Variants in PIP5K1B observed in about 807,000 individuals in gnomAD.
The protein encoded by PIP5K1B is phosphatidylinositol 4-phosphate 5-kinase type-1 beta.
Under a neutral mutation model 67.0 loss-of-function variants are expected in PIP5K1B, and 42 were observed. That is an observed-to-expected ratio of 0.63 (90% CI 0.49 to 0.81). The LOEUF (loss-of-function observed/expected upper bound fraction) is 0.81, where lower values mean the gene tolerates loss of function less well. PIP5K1B is among the 30% of genes least tolerant of loss of function. The pLI is 0.00. For missense variants in PIP5K1B, 459 were observed against 646.3 expected (o/e 0.71, Z 3.14); for synonymous variants, 214 against 231.4 (o/e 0.92, Z 0.68).
chr9:68,853,552 CAG>C (rs1449418515), intron 4 of PIP5K1B, among the ~76,000 whole-genome samples: 2 of 152,120 alleles, frequency 1.3e-5, no homozygotes, highest in African/African-American at 4.8e-5. Context: ...TCTGAAAAAT[CAG>C]AAAGTTTTCA....
chr9:68,792,018 A>G (rs1831998772), intron 2 of PIP5K1B, among the ~76,000 whole-genome samples: 1 of 149,456 alleles, frequency 6.7e-6, no homozygotes, highest in African/African-American at 2.4e-5. Flanking sequence ...GTTTTTCCTT[A>G]ACTAACTCCT....
intron 14 of PIP5K1B, among the ~76,000 whole-genome samples, chr9:68,946,222 A>G (rs1282324644): frequency 6.6e-6 from 1 of 152,056 alleles, no homozygotes; most frequent in Non-Finnish European, 1.5e-5. Flanking sequence ...CATTCCCCTA[A>G]CCCTAATCTC....
intron 11 of PIP5K1B, among the ~76,000 whole-genome samples, 170 bp downstream of exon 11, chr9:68,919,899 A>G (rs1251910077): frequency 6.6e-6 from 1 of 152,240 alleles, no homozygotes; most frequent in Non-Finnish European, 1.5e-5. Context: ...AATAAGGACA[A>G]CATAAATTTG....
At chr9:68,725,477 T>C (rs1055570910) in intron 1 of PIP5K1B, among the ~76,000 whole-genome samples, 1 of 152,194 alleles carries the variant, frequency 6.6e-6, no homozygotes, top group Non-Finnish European at 1.5e-5. Context: ...GAATTTATTT[T>C]GTAAGAATTG....
At chr9:68,846,921 A>G (rs7024959) in intron 4 of PIP5K1B, among the ~76,000 whole-genome samples, 11,908 of 152,248 alleles carry the variant, frequency 0.078, 1,032 homozygotes, top group African/African-American at 0.21. Flanking sequence ...ACCATTTATT[A>G]TAGTCCTCAT....
chr9:68,889,392 G>A (rs746754941), intron 7 of PIP5K1B, among the ~76,000 whole-genome samples: 2 of 152,118 alleles, frequency 1.3e-5, no homozygotes, highest in Admixed American at 1.3e-4. Context: ...GTGTGACCCT[G>A]AGTAAGCAGC....
intron 13 of PIP5K1B, 140 bp downstream of exon 13, chr9:68,935,185 G>A: frequency 1.4e-6 from 1 of 696,762 alleles, no homozygotes; most frequent in Non-Finnish European, 2.3e-6. Context: ...TAGCTGCAGT[G>A]GCCGGGCGCA....
chr9:69,000,568 C>G (rs370172593), intron 15 of PIP5K1B, among the ~76,000 whole-genome samples: 1 of 152,126 alleles, frequency 6.6e-6, no homozygotes, highest in South Asian at 2.1e-4. Context: ...TCTAGCCTTT[C>G]GCTGGTTTGT....
intron 6 of PIP5K1B, among the ~76,000 whole-genome samples, chr9:68,887,348 GT>G (rs1370988857): frequency 6.6e-6 from 1 of 152,170 alleles, no homozygotes; most frequent in Non-Finnish European, 1.5e-5. Context: ...AAGGGAGGTT[GT>G]CGCAGGCACA....
chr9:68,725,949 T>G (rs1259475765), intron 1 of PIP5K1B, among the ~76,000 whole-genome samples: 5 of 152,232 alleles, frequency 3.3e-5, no homozygotes, highest in Non-Finnish European at 5.9e-5. Flanking sequence ...CAAGGATGAT[T>G]AGTGTTTTAC....
At chr9:68,756,790 G>A (rs938720132) in intron 2 of PIP5K1B, among the ~76,000 whole-genome samples, 1 of 152,030 alleles carries the variant, frequency 6.6e-6, no homozygotes, top group Admixed American at 6.5e-5. Flanking sequence ...TATAATGAGA[G>A]GCACATATGT....
intron 11 of PIP5K1B, among the ~76,000 whole-genome samples, chr9:68,922,593 T>C (rs1262666935): frequency 6.6e-6 from 1 of 152,096 alleles, no homozygotes; most frequent in Non-Finnish European, 1.5e-5. Context: ...TAAATAAACA[T>C]AGAAAAGTAG....
chr9:68,737,028 T>G (rs139372567), intron 1 of PIP5K1B, among the ~76,000 whole-genome samples: 265 of 152,304 alleles, frequency 1.7e-3, no homozygotes, highest in African/African-American at 5.9e-3. Context: ...ACTTTGACCT[T>G]CTTTTCTTTC....
chr9:68,821,073 T>C (rs1833707986), intron 3 of PIP5K1B, among the ~76,000 whole-genome samples: 1 of 151,998 alleles, frequency 6.6e-6, no homozygotes, highest in South Asian at 2.1e-4. Flanking sequence ...AGCTTAGGAG[T>C]TCGAGACCAG....
rs542359339 is a variant in PIP5K1B at position 68,744,446 on chromosome 9, G to A, written c.-86+1789G>A. Among the ~76,000 whole-genome samples the A allele has an allele frequency of 2.6e-3, 395 of 152,338 alleles. 2 individuals carry two copies. The highest frequency in any genetic ancestry group is 9.1e-3 in the African/African-American group (379 of 41,574). On this transcript the variant is annotated intron_variant, in intron 2 of 15. Transcript: ENST00000265382. ...TCTGATTCCTCATATATAATAAAAA[G>A]CCCCACTTTAATTTGCCAGATATTT...
chr9:68,857,996 C>T (rs1190442860), intron 4 of PIP5K1B, among the ~76,000 whole-genome samples: 1 of 82,922 alleles, frequency 1.2e-5, no homozygotes, highest in Non-Finnish European at 3.0e-5. Flanking sequence ...GTTGTTAAGA[C>T]TGAGTCTTGC....
Position 68,812,229 on chromosome 9 carries a change from G to A in PIP5K1B, c.-85-6232G>A, listed in dbSNP as rs145493326. Among the ~76,000 whole-genome samples the A allele has an allele frequency of 1.0e-3, 156 of 152,282 alleles. 2 individuals are homozygous for A. The East Asian group carries it at 0.027, about 26-fold the overall frequency. On this transcript the variant is annotated intron_variant, in intron 2 of 15. Transcript: ENST00000265382. Reference sequence around the variant, plus strand: ...ACATGTTAAATTGGGGAGTGCCAACGGATTCTTTGAAGAATAAATGAAATC... The same window carrying A: ...ACATGTTAAATTGGGGAGTGCCAACAGATTCTTTGAAGAATAAATGAAATC...
intron 6 of PIP5K1B, among the ~76,000 whole-genome samples, chr9:68,883,372 C>T (rs1824296072): frequency 6.6e-6 from 1 of 152,112 alleles, no homozygotes; most frequent in African/African-American, 2.4e-5. Flanking sequence ...GGCTTAGGCT[C>T]TAATGCTGTT....
chr9:68,866,326 C>T (rs1255531718), intron 5 of PIP5K1B, among the ~76,000 whole-genome samples: 1 of 151,624 alleles, frequency 6.6e-6, no homozygotes, highest in Non-Finnish European at 1.5e-5. Context: ...AATTACCTCC[C>T]TCATTTTCTT....
Sources: gnomAD v4.1 joint callset for allele counts (sites outside exome capture counted in the v4.1 genomes callset) on GRCh38, gnomAD v4.1.1 for gene constraint, MANE v1.5 for transcripts, NCBI Gene and HGNC (gene_info 2026-07-23, HGNC 2026-07-21) for gene names.